Variants in KIDINS220 observed in about 807,000 individuals in gnomAD.
KIDINS220 encodes kinase D interacting substrate 220, also known as kinase D-interacting substrate of 220 kDa.
Under a neutral mutation model 157.6 loss-of-function variants are expected in KIDINS220, and 63 were observed. That is an observed-to-expected ratio of 0.40 (90% CI 0.33 to 0.49). The LOEUF (loss-of-function observed/expected upper bound fraction) is 0.49, where lower values mean the gene tolerates loss of function less well. Among genes scored for constraint, KIDINS220 ranks in the 20% least tolerant of loss-of-function variants. The pLI is 0.66. For synonymous variants in KIDINS220, 732 were observed against 783.6 expected, an observed-to-expected ratio of 0.93 and a Z score of 1.10; for missense variants, 1,772 against 2,171.2, an observed-to-expected ratio of 0.82 and a Z score of 3.65.
chr2:8,735,447 G>A (rs760992776), intron 27 of KIDINS220, among the ~76,000 whole-genome samples: 29 of 152,026 alleles, frequency 1.9e-4, no homozygotes, highest in Non-Finnish European at 4.1e-4. Flanking sequence ...CAGGAGGATC[G>A]CTTGCACCCA....
chr2:8,730,208 T>C lies in KIDINS220; in HGVS notation c.*512A>G. ...TCTGTGATAAGCAATACCCCTGCCATACAGAACGCTGGATCTCGGTTTACT... is the reference window on the plus strand; with the variant it reads ...TCTGTGATAAGCAATACCCCTGCCACACAGAACGCTGGATCTCGGTTTACT... On this transcript the variant is annotated 3_prime_UTR_variant, in exon 30 of 30. Transcript: ENST00000256707. 2.0e-6 allele frequency: 2 copies of C among 987,696 alleles called. No individual in the cohort carries two copies. Among genetic ancestry groups the C allele is most frequent in the East Asian group, 1.1e-4 (1 of 8,870 alleles). 61.2% of individuals were successfully genotyped at this position (987,696 alleles called of 1,614,324 possible).
At chr2:8,740,349 A>G (rs1331884565) in intron 26 of KIDINS220, among the ~76,000 whole-genome samples, 1 of 152,218 alleles carries the variant, frequency 6.6e-6, no homozygotes, top group Non-Finnish European at 1.5e-5. Flanking sequence ...GCACACATGC[A>G]TGCACACACA....
At chr2:8,829,178 T>C (rs906862568) in intron 1 of KIDINS220, among the ~76,000 whole-genome samples, 6 of 152,204 alleles carry the variant, frequency 3.9e-5, no homozygotes, top group African/African-American at 1.2e-4. Flanking sequence ...GGGAATGAGA[T>C]GGCTACAAAA....
rs549396115 is a variant in KIDINS220, at chr2:8,785,830, C to T, written c.2140G>A (p.Val714Met). 6.2e-7 allele frequency: 1 copy of T among 1,614,158 alleles called. No homozygotes were observed. Among genetic ancestry groups the T allele is most frequent in the South Asian group, 1.1e-5 (1 of 91,084 alleles). Residue 714 changes from valine to methionine, a missense_variant, in exon 17 of 30, where the codon GTG (valine) becomes ATG (methionine). Val to Met is a conservative substitution (Grantham distance 21). Transcript: ENST00000256707. ...TGGGAATTCAGGAGCGAGTCCAGCA[C>T]TTGCCACCATGTACGACAGTTCAAC... Reference protein sequence around the residue: ...FVLNCRTWWQVLDSLLNSQRK... With the variant: ...FVLNCRTWWQMLDSLLNSQRK...
At chr2:8,770,940 T>A in intron 21 of KIDINS220, 108 bp from the exon 22 acceptor site, 1 of 597,762 alleles carries the variant, frequency 1.7e-6, no homozygotes, top group Non-Finnish European at 2.6e-6. Context: ...ATTTACCATT[T>A]AATTTATACT....
At chr2:8,819,156 T>C (rs1677524180) in intron 2 of KIDINS220, among the ~76,000 whole-genome samples, 1 of 152,178 alleles carries the variant, frequency 6.6e-6, no homozygotes. Context: ...AGGTAGAATA[T>C]GATCTAAAAT....
rs775252338 is a variant in KIDINS220, at chr2:8,800,385, T to G, written c.900+15A>C. 1.3e-6 allele frequency: 2 copies of G among 1,548,426 alleles called. No homozygotes were observed. The highest frequency in any genetic ancestry group is 3.6e-5 in the Admixed American group (2 of 55,790). On this transcript the variant is annotated intron_variant, in intron 9 of 29. Transcript: ENST00000256707. The stretch of plus-strand genomic sequence containing the variant: ...TTATACTCTAAGATAGCAACTGCAC[T>G]GTAATCACACATACCTGTCCTCTAA...
In KIDINS220 at chr2:8,800,456, C is replaced by G; in HGVS notation, c.844G>C (p.Val282Leu). 1.2e-6 allele frequency: 2 copies of G among 1,613,544 alleles called. No homozygotes were observed. The highest frequency in any genetic ancestry group is 8.5e-7 in the Non-Finnish European group (1 of 1,179,820). Residue 282 changes from valine (V) to leucine (L), a missense_variant, in exon 9 of 30, where the codon GTT becomes CTT. Around this residue, in one of 3 missense-constraint regions of KIDINS220, gnomAD observed 725 missense variants for 1,017.1 expected, o/e 0.71. Transcript: ENST00000256707. ...VLIGAVRGGH[V>L]EIVRALLQKY... Reference sequence around the variant, plus strand: ...TGGAGAAGCGCTCGAACAATTTCAACATGACCACCTCTGACAGCGCCAATC... The same window carrying G: ...TGGAGAAGCGCTCGAACAATTTCAAGATGACCACCTCTGACAGCGCCAATC...
At chr2:8,732,801 C>CGCCCG (rs1241335336) in intron 29 of KIDINS220, among the ~76,000 whole-genome samples, 1 of 152,118 alleles carries the variant, frequency 6.6e-6, no homozygotes, top group African/African-American at 2.4e-5. Context: ...TACTCGCTGC[C>CGCCCG]GCCCGCTGTG....
chr2:8,799,271 CTATTT>C (rs1407349937), intron 9 of KIDINS220, among the ~76,000 whole-genome samples: 6 of 120,422 alleles, frequency 5.0e-5, no homozygotes, highest in Non-Finnish European at 9.7e-5. Flanking sequence ...CTTTCCTTTT[CTATTT>C]TTTTTTTTTT....
At chr2:8,814,239 C>T (rs932829178) in intron 4 of KIDINS220, among the ~76,000 whole-genome samples, 3 of 151,970 alleles carry the variant, frequency 2.0e-5, no homozygotes, top group African/African-American at 4.8e-5. Flanking sequence ...AACTACGATA[C>T]GATTCAATAA....
chr2:8,780,008 C>A (rs1671479843), intron 17 of KIDINS220, among the ~76,000 whole-genome samples, 194 bp from the exon 18 acceptor site: 1 of 152,228 alleles, frequency 6.6e-6, no homozygotes. Flanking sequence ...TAAATTACAG[C>A]AGCTGATCCT....
intron 8 of KIDINS220, among the ~76,000 whole-genome samples, chr2:8,802,615 G>A (rs1220083722): frequency 1.3e-5 from 2 of 152,194 alleles, no homozygotes; most frequent in African/African-American, 4.8e-5. Flanking sequence ...GGAGCGTTCA[G>A]GTAGAGGTGG....
rs374871442 is a variant in KIDINS220, at chr2:8,802,969, A to T, written c.762T>A (p.Asp254Glu). The T allele has an allele frequency of 6.2e-7, 1 of 1,613,872 alleles. No individual in the cohort carries two copies. The highest frequency in any genetic ancestry group is 1.3e-5 in the African/African-American group (1 of 74,922). Residue 254 changes from aspartate (D) to glutamate (E), a missense_variant, in exon 8 of 30, where the codon GAT becomes GAA. Asp to Glu is a conservative substitution (Grantham distance 45, BLOSUM62 2). This residue lies in a region of KIDINS220 where 725 missense variants were observed against 1,017.1 expected (regional missense o/e 0.71). Coordinates refer to ENST00000256707, the MANE Select transcript of KIDINS220 (RefSeq NM_020738.4). ...TCACATATGTTCCAGCGTCGAGCAG[A>T]TCCTGCACAATCTCCGTATGTCCCT... ...SKEGHTEIVQDLLDAGTYVNI... is the reference protein window; with the variant it reads ...SKEGHTEIVQELLDAGTYVNI...
At chr2:8,832,774 G>A (rs1225455018) in intron 1 of KIDINS220, among the ~76,000 whole-genome samples, 3 of 152,084 alleles carry the variant, frequency 2.0e-5, no homozygotes, top group South Asian at 2.1e-4. Context: ...AAGCCCTTTC[G>A]GCTTAAAACG....
At chr2:8,807,879 T>C (rs961872120) in intron 6 of KIDINS220, among the ~76,000 whole-genome samples, 1 of 152,156 alleles carries the variant, frequency 6.6e-6, no homozygotes, top group Non-Finnish European at 1.5e-5. Flanking sequence ...CCCAGCACTT[T>C]GGGAGGCTAA....
Position 8,829,743 on chromosome 2 carries a change from T to A in KIDINS220, c.-36-2614A>T, listed in dbSNP as rs141340890. Among the ~76,000 whole-genome samples the A allele has an allele frequency of 6.7e-3, 1,018 of 152,282 alleles. 2 individuals carry two copies. The highest frequency in any genetic ancestry group is 0.01 in the Non-Finnish European group (701 of 68,026). On this transcript the variant is annotated intron_variant, in intron 1 of 29. Coordinates refer to ENST00000256707, the MANE Select transcript of KIDINS220 (RefSeq NM_020738.4). ...TGGTGATGGGCATTAGTGTAATTTTTATTTTCTTTAAAACCTTTATCTCCT... is the reference window on the plus strand; with the variant it reads ...TGGTGATGGGCATTAGTGTAATTTTAATTTTCTTTAAAACCTTTATCTCCT...
intron 22 of KIDINS220, among the ~76,000 whole-genome samples, chr2:8,756,156 A>T (rs1450435029): frequency 6.6e-6 from 1 of 152,134 alleles, no homozygotes; most frequent in African/African-American, 2.4e-5. Context: ...TCTTTTAGCA[A>T]TTTTTTTAAG....
In KIDINS220 at chr2:8,789,561, T is replaced by C. The variant is rs374068394; in HGVS notation, c.1621+319A>G. ...CCTTGGGCTCCCAAAGTGCTGGGATTACAGGCGTGAGAGCCACCGCACCCG... is the reference window on the plus strand; with the variant it reads ...CCTTGGGCTCCCAAAGTGCTGGGATCACAGGCGTGAGAGCCACCGCACCCG... On this transcript the variant is annotated intron_variant, in intron 14 of 29. Coordinates refer to ENST00000256707, the MANE Select transcript of KIDINS220 (RefSeq NM_020738.4). Among the ~76,000 whole-genome samples, 56 of 152,308 alleles carry C rather than the reference T, an allele frequency of 3.7e-4. No individual in the cohort carries two copies. The East Asian group carries it at 6.6e-3, about 18-fold the overall frequency.
Sources: allele counts gnomAD v4.1 joint callset (sites outside exome capture counted in the v4.1 genomes callset), GRCh38; gene constraint gnomAD v4.1.1; regional missense constraint gnomAD v4.1.1; transcripts MANE v1.5; gene names NCBI Gene and HGNC (gene_info 2026-07-23, HGNC 2026-07-21).